LDLRAP1: variants seen among roughly 807,000 people sequenced by gnomAD.
The protein encoded by LDLRAP1 is low density lipoprotein receptor adaptor protein 1.
A neutral mutation model predicts 37.8 loss-of-function variants in LDLRAP1; 30 were observed. That is an observed-to-expected ratio of 0.79 (90% CI 0.59 to 1.08). The LOEUF (loss-of-function observed/expected upper bound fraction) is 1.08. Among genes scored for constraint, LDLRAP1 ranks in the 50% least tolerant of loss-of-function variants. The pLI is 0.00. For synonymous variants in LDLRAP1, 156 were observed against 169.8 expected, an observed-to-expected ratio of 0.92 and a Z score of 0.63; for missense variants, 375 against 401.6, an observed-to-expected ratio of 0.93 and a Z score of 0.57.
chr1:25,555,399 CAG>C lies in LDLRAP1; in HGVS notation c.344+430_344+431del, dbSNP rs1481025924. On this transcript the variant is annotated intron_variant, in intron 3 of 8. Coordinates refer to ENST00000374338, the MANE Select transcript of LDLRAP1 (RefSeq NM_015627.3). This position sits in a 1 kb window ranked among gnomAD's most constrained non-coding sequence, Gnocchi z 4.7. The stretch of plus-strand genomic sequence containing the variant: ...GGAGGCCTCAGCCAAGGTCTGAAGT[CAG>C]AGTATAGATGGTCTCTCTAGTGGGT... 6.6e-6 allele frequency among the ~76,000 whole-genome samples: 1 copy of C among 152,192 alleles called. No individual in the cohort carries two copies. The highest frequency in any genetic ancestry group is 1.9e-4 in the East Asian group (1 of 5,196).
At chr1:25,557,393 C>G in intron 4 of LDLRAP1, 126 bp downstream of exon 4, 1 of 746,680 alleles carries the variant, frequency 1.3e-6, no homozygotes, top group East Asian at 2.7e-5. Flanking sequence ...AGGGTGAAAT[C>G]TCTGGGAACC....
At chr1:25,589,080 G>A in the LDLRAP1 span, among the ~76,000 whole-genome samples, 1 of 152,130 alleles carries the variant, frequency 6.6e-6, no homozygotes, top group Non-Finnish European at 1.5e-5. Context: ...GAGGCGGGGG[G>A]ATCACCTGAG....
rs2044521066 is a variant in LDLRAP1, at chr1:25,567,720, T to C, written c.*728T>C. ...GGGCCCAAGGTCCCCGTGGATGGTC[T>C]CCACCTGTGCTTGGAACCAGTGTAA... On this transcript the variant is annotated 3_prime_UTR_variant, in exon 9 of 9. Coordinates refer to ENST00000374338, the MANE Select transcript of LDLRAP1 (RefSeq NM_015627.3). 1 of 153,814 alleles carries C rather than the reference T, an allele frequency of 6.5e-6. No homozygotes were observed. Among genetic ancestry groups the C allele is most frequent in the Non-Finnish European group, 1.4e-5 (1 of 69,212 alleles). The allele number at this position is 153,814 out of a possible 1,614,324, so 9.5% of individuals were successfully genotyped here.
intron 8 of LDLRAP1, among the ~76,000 whole-genome samples, chr1:25,566,138 A>G (rs2044472307): frequency 6.6e-6 from 1 of 152,162 alleles, no homozygotes; most frequent in African/African-American, 2.4e-5. Flanking sequence ...TTTATTAACA[A>G]TTTTGAAAAT....
intron 4 of LDLRAP1, among the ~76,000 whole-genome samples, chr1:25,559,929 C>T (rs1358024113): frequency 6.6e-6 from 1 of 152,180 alleles, no homozygotes; most frequent in Admixed American, 6.5e-5. Context: ...ACCTGGAACC[C>T]AGGGGGGCTT....
intron 4 of LDLRAP1, among the ~76,000 whole-genome samples, chr1:25,559,139 G>A (rs2044282800): frequency 6.6e-6 from 1 of 152,160 alleles, no homozygotes; most frequent in Admixed American, 6.5e-5. Flanking sequence ...TCTCCTGTGA[G>A]TTCCCACAGA....
chr1:25,574,458 T>C, the LDLRAP1 span, among the ~76,000 whole-genome samples: 1 of 152,212 alleles, frequency 6.6e-6, no homozygotes, highest in Admixed American at 6.5e-5. Flanking sequence ...GGCAACCCCA[T>C]GTCCTCCTGC....
At chr1:25,588,699 C>T in the LDLRAP1 span, among the ~76,000 whole-genome samples, 1 of 152,076 alleles carries the variant, frequency 6.6e-6, no homozygotes, top group African/African-American at 2.4e-5. Flanking sequence ...GAACGCCGGT[C>T]CCCTGGGCCC....
chr1:25,582,201 C>A, the LDLRAP1 span, among the ~76,000 whole-genome samples: 1 of 152,204 alleles, frequency 6.6e-6, no homozygotes, highest in African/African-American at 2.4e-5. Flanking sequence ...TGAGTTGGTA[C>A]GTCCTTGGCC....
chr1:25,547,038 A>AT (rs1254273803), intron 1 of LDLRAP1, among the ~76,000 whole-genome samples: 1 of 152,086 alleles, frequency 6.6e-6, no homozygotes, highest in African/African-American at 2.4e-5. Flanking sequence ...TGAGGAAATG[A>AT]TGGGACAGCT....
At position 25,554,812 on chromosome 1, in the gene LDLRAP1, G is replaced by T. The variant is rs573945765; in HGVS notation, c.232-48G>T. 8 of 1,453,900 alleles carry T rather than the reference G, an allele frequency of 5.5e-6. No individual in the cohort carries two copies. The African/African-American group carries it at 6.9e-5, about 13-fold the overall frequency. 90.1% of individuals were successfully genotyped at this position (1,453,900 alleles called of 1,614,324 possible). ...AGTGAAGTGTAAGCCATGAGGGTGGGTCTCAAGTGAGGCTGGCAGACTCCT... is the reference window on the plus strand; with the variant it reads ...AGTGAAGTGTAAGCCATGAGGGTGGTTCTCAAGTGAGGCTGGCAGACTCCT... On this transcript the variant is annotated intron_variant, in intron 2 of 8. Transcript: ENST00000374338. This position sits in a 1 kb window ranked among gnomAD's most constrained non-coding sequence, Gnocchi z 5.4.
the LDLRAP1 span, among the ~76,000 whole-genome samples, chr1:25,586,590 G>T: frequency 1.6e-5 from 2 of 127,182 alleles, no homozygotes; most frequent in Non-Finnish European, 3.0e-5. The surrounding 1 kb of genome is among the most constrained non-coding windows in gnomAD (Gnocchi z 4.3). Context: ...GCGCGCGTGT[G>T]TGTGTGTGTA....
chr1:25,546,169 G>A (rs997216136), intron 1 of LDLRAP1, among the ~76,000 whole-genome samples: 6 of 152,158 alleles, frequency 3.9e-5, no homozygotes, highest in African/African-American at 1.4e-4. Flanking sequence ...GGGGGTGCTA[G>A]GGTCACCTTG....
chr1:25,562,114 C>G (rs2044356473), intron 4 of LDLRAP1, among the ~76,000 whole-genome samples: 1 of 152,212 alleles, frequency 6.6e-6, no homozygotes, highest in Non-Finnish European at 1.5e-5. Flanking sequence ...GCCTTCTACT[C>G]TCTTTGTGGG....
At chr1:25,581,173 C>A in the LDLRAP1 span, among the ~76,000 whole-genome samples, 1 of 152,190 alleles carries the variant, frequency 6.6e-6, no homozygotes, top group Non-Finnish European at 1.5e-5. Flanking sequence ...GTGTTCTCTG[C>A]CGGGCCTCAG....
chr1:25,546,091 C>T (rs988077958), intron 1 of LDLRAP1, among the ~76,000 whole-genome samples: 4 of 152,118 alleles, frequency 2.6e-5, no homozygotes, highest in South Asian at 2.1e-4. Flanking sequence ...ACCTACCCCA[C>T]GCTGGGCTGG....
chr1:25,573,691 T>A (rs1377066011), downstream of LDLRAP1, among the ~76,000 whole-genome samples: 1 of 152,158 alleles, frequency 6.6e-6, no homozygotes, highest in African/African-American at 2.4e-5. Context: ...ATGCCGAGGC[T>A]TTGCACACGT....
Position 25,543,748 on chromosome 1 carries a change from T to A in LDLRAP1, c.50T>A (p.Leu17Ter), listed in dbSNP as rs2043858229. 6 of 1,211,278 alleles carry A rather than the reference T, an allele frequency of 5.0e-6. No individual in the cohort carries two copies. Among genetic ancestry groups the A allele is most frequent in the Non-Finnish European group, 6.2e-6 (6 of 974,824 alleles). 75.0% of individuals were successfully genotyped at this position (1,211,278 alleles called of 1,614,324 possible). A position where few individuals can be genotyped will look rare whatever the true frequency, so the allele number is the denominator to read the frequency against. The change falls in exon 1 of 9, where the codon TTG becomes TAG. Residue 17 changes from leucine to a stop codon, truncating the protein, a stop_gained. Coordinates refer to ENST00000374338, the MANE Select transcript of LDLRAP1 (RefSeq NM_015627.3). LOFTEE classifies it high-confidence loss of function. ...CGGGCGCTGATCCGGAGCCCCAGCT[T>A]GGCCAAGCAGAGCTGGGGGGGCGGT... ...AGRALIRSPS[L>*]AKQSWGGGGR...
At chr1:25,583,300 G>A in the LDLRAP1 span, among the ~76,000 whole-genome samples, 12 of 148,118 alleles carry the variant, frequency 8.1e-5, no homozygotes, top group African/African-American at 2.5e-4. Context: ...AGTGATTCTC[G>A]TGCCTCAGCC....
Sources: gnomAD v4.1 joint callset for allele counts (sites outside exome capture counted in the v4.1 genomes callset) on GRCh38, gnomAD v4.1.1 for gene constraint, Gnocchi (gnomAD v3.1) non-coding constraint, MANE v1.5 for transcripts, NCBI Gene and HGNC (gene_info 2026-07-23, HGNC 2026-07-21) for gene names.